The following GPC5 variants were observed in gnomAD, a reference collection of about 807,000 sequenced individuals.
The protein encoded by GPC5 is glypican 5.
Under a neutral mutation model 53.9 loss-of-function variants are expected in GPC5, and 47 were observed. That is an observed-to-expected ratio of 0.87 (90% confidence interval 0.69 to 1.11). The LOEUF is 1.11. Ranked by LOEUF, GPC5 falls within the 50% of genes most tolerant of loss-of-function variation. The pLI is 0.00. For missense variants in GPC5, 748 were observed against 713.1 expected (o/e 1.05, Z -0.56); for synonymous variants, 286 against 263.3 (o/e 1.09, Z -0.84).
intron 5 of GPC5, among the ~76,000 whole-genome samples, chr13:91,902,674 AAAG>A (rs1361047469): frequency 6.6e-6 from 1 of 152,254 alleles, no homozygotes; most frequent in East Asian, 1.9e-4. Context: ...TTAAAAAGAA[AAAG>A]AAGGAATTAA....
intron 7 of GPC5, among the ~76,000 whole-genome samples, chr13:92,542,361 C>T (rs562906919): frequency 6.6e-6 from 1 of 152,068 alleles, no homozygotes; most frequent in East Asian, 1.9e-4. Flanking sequence ...CTTTCCCAGT[C>T]TCTAGAAACT....
chr13:91,778,401 G>C (rs562514690), intron 5 of GPC5, among the ~76,000 whole-genome samples: 1 of 152,190 alleles, frequency 6.6e-6, no homozygotes, highest in South Asian at 2.1e-4. Context: ...TATAAGTTTC[G>C]TGTCCTGACA....
intron 1 of GPC5, among the ~76,000 whole-genome samples, chr13:91,416,184 C>A (rs1480942250): frequency 6.6e-6 from 1 of 152,124 alleles, no homozygotes; most frequent in Non-Finnish European, 1.5e-5. Flanking sequence ...CCCATTCCCA[C>A]CCAAAATGTA....
intron 7 of GPC5, among the ~76,000 whole-genome samples, chr13:92,618,434 A>T (rs182752335): frequency 2.2e-4 from 34 of 152,194 alleles, no homozygotes; most frequent in Non-Finnish European, 4.4e-5. Context: ...ATTACAAAGT[A>T]TATAGTTAAC....
At chr13:92,769,471 A>C (rs531858676) in intron 7 of GPC5, among the ~76,000 whole-genome samples, 1 of 151,934 alleles carries the variant, frequency 6.6e-6, no homozygotes, top group East Asian at 1.9e-4. Context: ...GATAACACCT[A>C]CAATCCCAGC....
Position 92,347,901 on chromosome 13 carries a change from AATATATATATAATATATATATATTAT to A in GPC5, c.1561+202918_1561+202943del, listed in dbSNP as rs2043435915. Among the ~76,000 whole-genome samples the A allele has an allele frequency of 1.4e-4, 2 of 13,954 alleles. 1 individual carries two copies. Among genetic ancestry groups the A allele is most frequent in the Non-Finnish European group, 2.0e-4 (2 of 10,126 alleles). The allele number at this position is 13,954 out of a possible 152,430, so 9.2% of individuals were successfully genotyped here. Reference sequence around the variant, plus strand: ...TATATATTATATATATTATATATATAATATATATATAATATATATATATTATATATACATCTTATATGTAAACCTCA... The same window carrying A: ...TATATATTATATATATTATATATATAATATACATCTTATATGTAAACCTCA... On this transcript the variant is annotated intron_variant, in intron 7 of 7. Coordinates refer to ENST00000377067, the MANE Select transcript of GPC5 (RefSeq NM_004466.6).
At chr13:92,370,530 G>T (rs1361298593) in intron 7 of GPC5, among the ~76,000 whole-genome samples, 3 of 95,486 alleles carry the variant, frequency 3.1e-5, no homozygotes, top group Non-Finnish European at 6.7e-5. Context: ...CAAAGAAACA[G>T]AAAAAAAAAA....
At chr13:92,590,224 A>G (rs1394795553) in intron 7 of GPC5, among the ~76,000 whole-genome samples, 1 of 152,158 alleles carries the variant, frequency 6.6e-6, no homozygotes, top group Non-Finnish European at 1.5e-5. Flanking sequence ...TCTGAAATAC[A>G]GAAAGCTAGG....
At chr13:91,734,567 A>G (rs1479651177) in intron 4 of GPC5, among the ~76,000 whole-genome samples, 1 of 151,456 alleles carries the variant, frequency 6.6e-6, no homozygotes, top group East Asian at 1.9e-4. Context: ...GAAGGAAAAT[A>G]GCCACAGGTC....
chr13:91,844,251 G>A (rs2038823423), intron 5 of GPC5, among the ~76,000 whole-genome samples: 1 of 152,200 alleles, frequency 6.6e-6, no homozygotes, highest in Non-Finnish European at 1.5e-5. Context: ...ACATAAAGTC[G>A]AAGAAGGATG....
chr13:92,014,566 G>A (rs1298438473), intron 6 of GPC5, among the ~76,000 whole-genome samples: 3 of 152,114 alleles, frequency 2.0e-5, no homozygotes, highest in East Asian at 1.9e-4. Flanking sequence ...GAGATTTGAA[G>A]GGTTTTCTTT....
intron 6 of GPC5, among the ~76,000 whole-genome samples, chr13:92,069,646 G>A (rs2041195282): frequency 6.6e-6 from 1 of 151,810 alleles, no homozygotes; most frequent in Admixed American, 6.6e-5. Flanking sequence ...AAACTGACTT[G>A]GAGTCTCCCT....
chr13:92,649,012 T>A (rs1030031324), intron 7 of GPC5, among the ~76,000 whole-genome samples: 3 of 152,128 alleles, frequency 2.0e-5, no homozygotes, highest in African/African-American at 7.2e-5. Flanking sequence ...TCTGCCTTCG[T>A]GTATAATAGT....
At chr13:91,563,020 C>A (rs1009380519) in intron 2 of GPC5, among the ~76,000 whole-genome samples, 4 of 152,008 alleles carry the variant, frequency 2.6e-5, no homozygotes, top group African/African-American at 9.7e-5. Flanking sequence ...TTTAAACTAT[C>A]ATTTACTATC....
At chr13:91,975,463 T>C (rs968429850) in intron 6 of GPC5, among the ~76,000 whole-genome samples, 3 of 152,066 alleles carry the variant, frequency 2.0e-5, no homozygotes, top group African/African-American at 7.2e-5. Context: ...GGGCAAAGGA[T>C]ATGAACAGAC....
At chr13:92,390,568 C>T (rs937865964) in intron 7 of GPC5, among the ~76,000 whole-genome samples, 5 of 151,990 alleles carry the variant, frequency 3.3e-5, no homozygotes, top group African/African-American at 1.2e-4. Context: ...TGCTTTTTAC[C>T]CCTCTGCACT....
chr13:92,452,864 C>G (rs771404067), intron 7 of GPC5, among the ~76,000 whole-genome samples: 1 of 152,118 alleles, frequency 6.6e-6, no homozygotes, highest in Non-Finnish European at 1.5e-5. Context: ...CCACCACGCC[C>G]GTCAGATTAC....
intron 7 of GPC5, among the ~76,000 whole-genome samples, chr13:92,680,838 T>C (rs1887089844): frequency 6.6e-6 from 1 of 152,172 alleles, no homozygotes; most frequent in Non-Finnish European, 1.5e-5. Flanking sequence ...GTAACAATTA[T>C]TGCCGGTGAA....
intron 5 of GPC5, among the ~76,000 whole-genome samples, chr13:91,842,903 C>T (rs2038805833): frequency 6.6e-6 from 1 of 151,886 alleles, no homozygotes; most frequent in South Asian, 2.1e-4. Flanking sequence ...AAATGGAATC[C>T]TTTTAATACC....
Sources: allele counts gnomAD v4.1 joint callset (sites outside exome capture counted in the v4.1 genomes callset), GRCh38; gene constraint gnomAD v4.1.1; transcripts MANE v1.5; gene names NCBI Gene and HGNC (gene_info 2026-07-23, HGNC 2026-07-21).